ERG: variants seen among roughly 807,000 people sequenced by gnomAD.
ERG encodes the protein ETS transcription factor ERG.
ERG carries 9 observed loss-of-function variants against 55.3 expected under a neutral mutation model. The observed-to-expected ratio is 0.16, with a 90% CI of 0.10 to 0.28. The LOEUF (loss-of-function observed/expected upper bound fraction) is 0.28, where lower values mean the gene tolerates loss of function less well. Ranked by LOEUF, ERG falls within the 10% of genes least tolerant of loss-of-function variation. ERG has a pLI of 1.00. For synonymous variants in ERG, 223 were observed against 237.3 expected (o/e 0.94, Z 0.55); for missense variants, 434 against 631.6 (o/e 0.69, Z 3.35).
At chr21:38,535,292 T>C (rs1345271095) in intron 2 of ERG, among the ~76,000 whole-genome samples, 3 of 151,930 alleles carry the variant, frequency 2.0e-5, no homozygotes, top group Non-Finnish European at 4.4e-5. Context: ...ACACGGGGAG[T>C]GTTGATTGAC....
intron 2 of ERG, among the ~76,000 whole-genome samples, chr21:38,520,792 T>C (rs1450521884): frequency 1.3e-5 from 2 of 152,218 alleles, no homozygotes; most frequent in South Asian, 2.1e-4. Flanking sequence ...TTGTGTAATG[T>C]TAAGGCTTAA....
chr21:38,538,007 T>C (rs911111268), intron 2 of ERG, among the ~76,000 whole-genome samples: 3 of 152,196 alleles, frequency 2.0e-5, no homozygotes, highest in African/African-American at 2.4e-5. Context: ...ATAACACAGA[T>C]GGACCTTTGG....
intron 1 of ERG, among the ~76,000 whole-genome samples, chr21:38,644,860 T>C (rs778630198): frequency 5.9e-5 from 9 of 152,230 alleles, no homozygotes; most frequent in Admixed American, 1.3e-4. Flanking sequence ...GTAAGGATCA[T>C]TAATGTTTCT....
chr21:38,621,736 G>A lies in ERG; in HGVS notation c.-149-36791C>T, dbSNP rs114125003. ...GGTTAGTCTCCCTCATAGATATCAG[G>A]CCACCAAGCCTAAGAGAGTTCCAGA... On this transcript the variant is annotated intron_variant, in intron 1 of 10. Transcript: ENST00000398910. Among the ~76,000 whole-genome samples the A allele has an allele frequency of 4.8e-3, 729 of 152,224 alleles. 5 individuals are homozygous for A. The highest frequency in any genetic ancestry group is 0.017 in the African/African-American group (702 of 41,538).
chr21:38,526,655 G>C (rs2146760996), intron 2 of ERG, among the ~76,000 whole-genome samples: 1 of 152,196 alleles, frequency 6.6e-6, no homozygotes, highest in South Asian at 2.1e-4. Context: ...TAACTAGAAG[G>C]CTAATCCCCC....
At chr21:38,516,944 T>C (rs978837257) in intron 2 of ERG, among the ~76,000 whole-genome samples, 6 of 152,074 alleles carry the variant, frequency 3.9e-5, no homozygotes, top group African/African-American at 1.4e-4. Flanking sequence ...CCTCTATCTC[T>C]TGCCATATAT....
intron 2 of ERG, among the ~76,000 whole-genome samples, chr21:38,427,783 T>C (rs1324463972): frequency 1.3e-5 from 2 of 152,176 alleles, no homozygotes; most frequent in Non-Finnish European, 2.9e-5. Context: ...GGACTGTTCA[T>C]TCCCTGAAAA....
At chr21:38,395,900 C>T (rs964303762) in intron 6 of ERG, among the ~76,000 whole-genome samples, 13 of 152,186 alleles carry the variant, frequency 8.5e-5, no homozygotes, top group Non-Finnish European at 1.6e-4. Flanking sequence ...TGAGGAGGAA[C>T]GCTCTAGCTC....
intron 1 of ERG, among the ~76,000 whole-genome samples, chr21:38,490,614 G>T (rs530687122): frequency 4.6e-5 from 7 of 152,352 alleles, no homozygotes; most frequent in African/African-American, 1.7e-4. Context: ...TCCGATAGGG[G>T]CACTGCTGTT....
intron 1 of ERG, among the ~76,000 whole-genome samples, chr21:38,488,854 C>T (rs1250844469): frequency 6.6e-6 from 1 of 152,206 alleles, no homozygotes; most frequent in Non-Finnish European, 1.5e-5. Flanking sequence ...AGTCTAATCA[C>T]GTCCCCTTAA....
At chr21:38,489,673 T>C (rs1413355260) in intron 1 of ERG, among the ~76,000 whole-genome samples, 1 of 152,260 alleles carries the variant, frequency 6.6e-6, no homozygotes, top group Non-Finnish European at 1.5e-5. Flanking sequence ...AGGAGATGTG[T>C]AGTGGCTGCT....
chr21:38,607,900 C>T (rs189861074), intron 1 of ERG, among the ~76,000 whole-genome samples: 1,840 of 152,078 alleles, frequency 0.012, 41 homozygotes, highest in African/African-American at 0.041. Flanking sequence ...AGAAACAATG[C>T]TTGATGTCAG....
chr21:38,425,471 C>A (rs963461176), intron 2 of ERG, among the ~76,000 whole-genome samples: 3 of 152,104 alleles, frequency 2.0e-5, no homozygotes, highest in African/African-American at 7.2e-5. Context: ...AAGCAGAAAA[C>A]AGAAAATACA....
intron 2 of ERG, among the ~76,000 whole-genome samples, chr21:38,525,762 G>C (rs926493967): frequency 1.3e-5 from 2 of 152,200 alleles, no homozygotes; most frequent in Non-Finnish European, 2.9e-5. Flanking sequence ...GCAGAAAAGA[G>C]GAAGAAAGCA....
intron 2 of ERG, among the ~76,000 whole-genome samples, chr21:38,438,030 C>CTT (rs1004907789): frequency 6.6e-5 from 10 of 152,198 alleles, no homozygotes; most frequent in Non-Finnish European, 1.3e-4. Flanking sequence ...TACTCTTCTT[C>CTT]TTGGACACTA....
chr21:38,441,474 C>G (rs536501544), intron 2 of ERG, among the ~76,000 whole-genome samples: 19 of 152,332 alleles, frequency 1.2e-4, no homozygotes, highest in African/African-American at 4.6e-4. Context: ...GACCTGCCCA[C>G]TCCCACAACT....
At chr21:38,485,102 CCA>C (rs2059271115) in intron 1 of ERG, among the ~76,000 whole-genome samples, 1 of 152,018 alleles carries the variant, frequency 6.6e-6, no homozygotes, top group East Asian at 1.9e-4. Context: ...GATGACAGCT[CCA>C]CACAGATTAT....
At chr21:38,508,146 TGAGA>T (rs890060972) in intron 2 of ERG, among the ~76,000 whole-genome samples, 2 of 148,162 alleles carry the variant, frequency 1.3e-5, no homozygotes, top group African/African-American at 2.5e-5. Context: ...TATGAACAGA[TGAGA>T]GAGAGAGACA....
At chr21:38,642,583 T>C (rs1181900912) in intron 1 of ERG, among the ~76,000 whole-genome samples, 1 of 152,174 alleles carries the variant, frequency 6.6e-6, no homozygotes, top group African/African-American at 2.4e-5. Context: ...CATCTTTCCT[T>C]TGTATTAATA....
Sources: allele counts gnomAD v4.1 joint callset (sites outside exome capture counted in the v4.1 genomes callset), GRCh38; gene constraint gnomAD v4.1.1; transcripts MANE v1.5; gene names NCBI Gene and HGNC (gene_info 2026-07-23, HGNC 2026-07-21).